The following DCC variants were observed in gnomAD, a reference collection of about 807,000 sequenced individuals.
DCC encodes DCC netrin 1 receptor, also known as netrin receptor DCC.
DCC carries 58 observed loss-of-function variants against 172.5 expected under a neutral mutation model. The ratio of observed to expected loss-of-function variants is 0.34; its 90% CI spans 0.27 to 0.42. The LOEUF (loss-of-function observed/expected upper bound fraction) is 0.42. Among genes scored for constraint, DCC ranks in the 10% least tolerant of loss-of-function variants. The pLI is 1.00. For synonymous variants in DCC, 709 were observed against 644.5 expected (o/e 1.10, Z -1.52); for missense variants, 1,740 against 1,791.0 (o/e 0.97, Z 0.51).
At chr18:52,782,887 CTAGAAGAAATGGGTGGCAGA>C (rs981207063) in intron 2 of DCC, among the ~76,000 whole-genome samples, 1 of 152,050 alleles carries the variant, frequency 6.6e-6, no homozygotes. Flanking sequence ...GACACTCTAC[CTAGAAGAAATGGGTGGCAGA>C]TTTGCCCAGC....
intron 2 of DCC, among the ~76,000 whole-genome samples, chr18:52,787,240 A>G (rs1004269116): frequency 2.6e-5 from 4 of 152,150 alleles, no homozygotes; most frequent in Non-Finnish European, 4.4e-5. Context: ...TCAGTTCTTC[A>G]TAAGTCCCAT....
chr18:53,088,725 G>C (rs2042958694), intron 7 of DCC, among the ~76,000 whole-genome samples: 1 of 152,110 alleles, frequency 6.6e-6, no homozygotes, highest in South Asian at 2.1e-4. Flanking sequence ...AAAAATGGTA[G>C]AGTATTTTCT....
chr18:53,416,118 C>T lies in DCC; in HGVS notation c.3131-6C>T, dbSNP rs578027555. ...TCTAATAATGTTATTTCTTTTTCCC[C>T]CGCAGTGGAACACCCTGACAAAATG... On this transcript the variant is annotated splice_region_variant and splice_polypyrimidine_tract_variant and intron_variant, in intron 20 of 28. Coordinates refer to ENST00000442544, the MANE Select transcript of DCC (RefSeq NM_005215.4). The T allele has an allele frequency of 3.7e-6, 6 of 1,606,356 alleles. No individual in the cohort carries two copies. In the Admixed American group the frequency reaches 5.0e-5, roughly 13 times the overall value.
At chr18:53,157,252 G>A in intron 7 of DCC, 104 bp from the exon 8 acceptor site, 1 of 1,354,254 alleles carries the variant, frequency 7.4e-7, no homozygotes, top group Non-Finnish European at 1.1e-6. Context: ...GAATCAAGGT[G>A]ACTATGACAT....
intron 7 of DCC, among the ~76,000 whole-genome samples, chr18:53,079,885 G>T (rs1167968441): frequency 1.3e-5 from 2 of 152,150 alleles, no homozygotes; most frequent in Non-Finnish European, 2.9e-5. Context: ...GGTTCTGTAA[G>T]GCTGTAGAGA....
At chr18:52,870,183 A>G (rs2039297118) in intron 2 of DCC, among the ~76,000 whole-genome samples, 2 of 150,982 alleles carry the variant, frequency 1.3e-5, no homozygotes, top group Non-Finnish European at 3.0e-5. Flanking sequence ...CTCCTTGCAC[A>G]CTCCCTGCAG....
chr18:52,620,546 G>A (rs533142439), intron 1 of DCC, among the ~76,000 whole-genome samples: 8 of 152,096 alleles, frequency 5.3e-5, no homozygotes, highest in Non-Finnish European at 1.0e-4. Flanking sequence ...ATTTGGTGAC[G>A]GTCATTTTCT....
intron 27 of DCC, among the ~76,000 whole-genome samples, chr18:53,518,538 C>T (rs1188243048): frequency 6.6e-6 from 1 of 152,126 alleles, no homozygotes; most frequent in African/African-American, 2.4e-5. Flanking sequence ...GAAAATGAAG[C>T]TTAAAACAGT....
chr18:53,431,552 G>A (rs8089865), intron 21 of DCC, among the ~76,000 whole-genome samples: 87,638 of 151,436 alleles, frequency 0.58, 26,043 homozygotes, highest in African/African-American at 0.66. Context: ...CAGTGTCGCA[G>A]TCTCGGCTCA....
chr18:53,159,008 A>AAAAAAAAAAAAAAAAAAAAAAAAAAAAAG lies in DCC; in HGVS notation c.1418+1496_1418+1497insAAAAAAAAAAAAAAAAAAAAAAAAAAAAG, dbSNP rs34406723. 3.4e-4 allele frequency among the ~76,000 whole-genome samples: 40 copies of AAAAAAAAAAAAAAAAAAAAAAAAAAAAAG among 119,150 alleles called. 5 individuals are homozygous for AAAAAAAAAAAAAAAAAAAAAAAAAAAAAG. The highest frequency in any genetic ancestry group is 1.2e-3 in the African/African-American group (37 of 30,638). The allele number at this position is 119,150 out of a possible 152,430, so 78.2% of individuals were successfully genotyped here. The stretch of plus-strand genomic sequence containing the variant: ...CATCTCAAAAAAAAAAAAAAAAAGA[A>AAAAAAAAAAAAAAAAAAAAAAAAAAAAAG]GAAGATGTAGGCATACCCATATTGC... On this transcript the variant is annotated intron_variant, in intron 8 of 28. Transcript: ENST00000442544.
At chr18:53,008,968 A>G (rs1484611951) in intron 5 of DCC, among the ~76,000 whole-genome samples, 5 of 151,998 alleles carry the variant, frequency 3.3e-5, no homozygotes, top group Non-Finnish European at 7.4e-5. Context: ...AGAAGGAAAC[A>G]TATCTTTCAA....
At chr18:53,297,333 T>C (rs2057079502) in intron 12 of DCC, among the ~76,000 whole-genome samples, 1 of 152,158 alleles carries the variant, frequency 6.6e-6, no homozygotes. Flanking sequence ...ACTTGGCAAA[T>C]AAATAATTTT....
rs2040205345 is a variant in DCC, at chr18:52,926,580, T to G, written c.985+1210T>G. The stretch of plus-strand genomic sequence containing the variant: ...CAAAATGGTTATGATGGAAATTGTA[T>G]TGTGCTGTATATTACTGATTATAAG... On this transcript the variant is annotated intron_variant, in intron 5 of 28. Coordinates refer to ENST00000442544, the MANE Select transcript of DCC (RefSeq NM_005215.4). 4.6e-5 allele frequency among the ~76,000 whole-genome samples: 7 copies of G among 151,862 alleles called. No homozygotes were observed. In the South Asian group the frequency reaches 1.4e-3, roughly 31 times the overall value.
At chr18:53,072,041 A>G (rs1369224714) in intron 7 of DCC, among the ~76,000 whole-genome samples, 4 of 152,166 alleles carry the variant, frequency 2.6e-5, no homozygotes, top group South Asian at 2.1e-4. Context: ...GGCCAGGACA[A>G]TCAGTTGAAC....
intron 19 of DCC, among the ~76,000 whole-genome samples, chr18:53,410,205 AT>A (rs1909899541): frequency 6.6e-6 from 1 of 152,174 alleles, no homozygotes. Flanking sequence ...GAAAGCACAC[AT>A]TTTTAAATGT....
intron 1 of DCC, among the ~76,000 whole-genome samples, chr18:52,413,980 T>A (rs1986929880): frequency 6.6e-6 from 1 of 152,166 alleles, no homozygotes; most frequent in East Asian, 1.9e-4. Flanking sequence ...AAATAGCTAT[T>A]TGTGTTTATC....
At chr18:53,001,716 T>G (rs1450407368) in intron 5 of DCC, among the ~76,000 whole-genome samples, 3 of 152,116 alleles carry the variant, frequency 2.0e-5, no homozygotes, top group African/African-American at 7.2e-5. Flanking sequence ...GAAGCAATAA[T>G]GAATTTTATC....
rs35213685 is a variant in DCC at position 52,371,157 on chromosome 18, A to T, written c.91+30279A>T. Among the ~76,000 whole-genome samples, 41 of 38,160 alleles carry T rather than the reference A, an allele frequency of 1.1e-3. 1 individual carries two copies. The highest frequency in any genetic ancestry group is 4.0e-3 in the Admixed American group (13 of 3,216). The allele number at this position is 38,160 out of a possible 152,430, so 25.0% of individuals were successfully genotyped here. ...GAAAGGACCATCTTTTGGCTGATTTAAAAAAAAAAATCATACTAGTCTATC... is the reference window on the plus strand; with the variant it reads ...GAAAGGACCATCTTTTGGCTGATTTTAAAAAAAAAATCATACTAGTCTATC... On this transcript the variant is annotated intron_variant, in intron 1 of 28. Coordinates refer to ENST00000442544, the MANE Select transcript of DCC (RefSeq NM_005215.4).
intron 1 of DCC, among the ~76,000 whole-genome samples, chr18:52,394,882 A>C (rs1986160726): frequency 6.6e-6 from 1 of 152,082 alleles, no homozygotes; most frequent in Non-Finnish European, 1.5e-5. Context: ...TTATCTGAAA[A>C]ATAGTTAATG....
Sources: gnomAD v4.1 joint callset for allele counts (sites outside exome capture counted in the v4.1 genomes callset) on GRCh38, gnomAD v4.1.1 for gene constraint, MANE v1.5 for transcripts, NCBI Gene and HGNC (gene_info 2026-07-23, HGNC 2026-07-21) for gene names.